KYNU: variants seen among roughly 807,000 people sequenced by gnomAD.
The protein encoded by KYNU is L-kynurenine hydrolase.
In KYNU, 54 loss-of-function variants were observed where a neutral mutation model predicts 59.2. The ratio of observed to expected loss-of-function variants is 0.91; its 90% CI spans 0.73 to 1.14. The LOEUF (loss-of-function observed/expected upper bound fraction) is 1.14, where lower values mean the gene tolerates loss of function less well. Among genes scored for constraint, KYNU ranks in the 50% most tolerant of loss-of-function variants. The pLI, the probability that KYNU is intolerant of heterozygous loss-of-function variation, is 0.00. For missense variants in KYNU, 567 were observed against 554.4 expected (o/e 1.02, Z -0.23); for synonymous variants, 177 against 192.0 (o/e 0.92, Z 0.65).
intron 4 of KYNU, among the ~76,000 whole-genome samples, chr2:142,953,844 A>G (rs1293753738): frequency 2.6e-5 from 4 of 152,214 alleles, no homozygotes; most frequent in Admixed American, 2.6e-4. Flanking sequence ...CTTAAATTAT[A>G]TACTTATTTA....
At chr2:142,928,019 C>T (rs946585875) in intron 4 of KYNU, among the ~76,000 whole-genome samples, 1 of 152,040 alleles carries the variant, frequency 6.6e-6, no homozygotes, top group African/African-American at 2.4e-5. Context: ...AAAACACATA[C>T]ATTGTATTAA....
rs371245928 is a variant in KYNU at position 142,992,656 on chromosome 2, A to G, written c.902+6635A>G. 4.0e-4 allele frequency among the ~76,000 whole-genome samples: 61 copies of G among 151,898 alleles called. No individual in the cohort carries two copies. The East Asian group carries it at 5.4e-3, about 14-fold the overall frequency. Reference sequence around the variant, plus strand: ...CATACACACACACATACATCTTTCTATCTCAGAAACTAAATATGGTAAAAC... The same window carrying G: ...CATACACACACACATACATCTTTCTGTCTCAGAAACTAAATATGGTAAAAC... On this transcript the variant is annotated intron_variant, in intron 10 of 13. Coordinates refer to ENST00000264170, the MANE Select transcript of KYNU (RefSeq NM_003937.3).
At chr2:142,972,805 TATATATATAGAG>T (rs1279073986) in intron 8 of KYNU, among the ~76,000 whole-genome samples, 4 of 138,936 alleles carry the variant, frequency 2.9e-5, no homozygotes, top group African/African-American at 1.1e-4. Flanking sequence ...TATATATATA[TATATATATAGAG>T]AGAGAGAGAG....
In KYNU at chr2:142,933,655, G is replaced by A. The variant is rs140545945; in HGVS notation, c.373+5914G>A. 7.9e-3 allele frequency among the ~76,000 whole-genome samples: 1,203 copies of A among 152,212 alleles called. 22 individuals carry two copies. Among genetic ancestry groups the A allele is most frequent in the African/African-American group, 0.027 (1,138 of 41,504 alleles). ...TTCTTAGAGGAGACCTAATACCCTC[G>A]TTTTGTCAAGAAGTTTAAAAGAGAG... On this transcript the variant is annotated intron_variant, in intron 4 of 13. Coordinates refer to ENST00000264170, the MANE Select transcript of KYNU (RefSeq NM_003937.3).
intron 13 of KYNU, 73 bp downstream of exon 13, chr2:143,040,731 G>A: frequency 1.1e-6 from 1 of 917,398 alleles, no homozygotes; most frequent in South Asian, 1.7e-5. Context: ...GGACTCTTTG[G>A]TTTATTCATT....
intron 2 of KYNU, among the ~76,000 whole-genome samples, chr2:142,890,240 G>A (rs1681670856): frequency 6.6e-6 from 1 of 152,086 alleles, no homozygotes; most frequent in Non-Finnish European, 1.5e-5. Context: ...CATGTGGAAA[G>A]ATATCTTTCT....
At chr2:142,992,309 T>G (rs1461862605) in intron 10 of KYNU, among the ~76,000 whole-genome samples, 2 of 151,826 alleles carry the variant, frequency 1.3e-5, no homozygotes, top group Non-Finnish European at 2.9e-5. Context: ...AAAAATTATC[T>G]TTAAGGTCAT....
chr2:142,936,118 G>C (rs1180066979), intron 4 of KYNU, among the ~76,000 whole-genome samples: 1 of 152,138 alleles, frequency 6.6e-6, no homozygotes, highest in Non-Finnish European at 1.5e-5. Context: ...GTTGGGAGGA[G>C]AAAGGTGATC....
intron 4 of KYNU, among the ~76,000 whole-genome samples, chr2:142,932,200 G>A (rs1342338091): frequency 6.6e-6 from 1 of 152,180 alleles, no homozygotes; most frequent in African/African-American, 2.4e-5. Context: ...AGTTGCAAGA[G>A]AGGTTTGTAA....
intron 4 of KYNU, chr2:142,947,125 C>T (rs1162346509): frequency 6.4e-7 from 1 of 1,551,120 alleles, no homozygotes; most frequent in Admixed American, 2.0e-5. Flanking sequence ...TTACAGACCC[C>T]CAACACAATC....
intron 3 of KYNU, among the ~76,000 whole-genome samples, chr2:142,922,590 T>C (rs997623643): frequency 6.6e-6 from 1 of 152,186 alleles, no homozygotes; most frequent in Admixed American, 6.5e-5. Flanking sequence ...AGATGTCAAA[T>C]CTCTGTCTAT....
At chr2:142,879,963 A>C (rs1056680519) in intron 1 of KYNU, among the ~76,000 whole-genome samples, 1 of 152,216 alleles carries the variant, frequency 6.6e-6, no homozygotes, top group Admixed American at 6.5e-5. Context: ...AGAAAGTCTC[A>C]AATATAAGGC....
rs1469623301 is a variant in KYNU at position 143,044,815 on chromosome 2, T to A, written c.*2643T>A. ...TCTGATGATAGTTTCTTTTGCTGTG[T>A]AGAAGCTCTTTAGTTTAATCAGGTT... On this transcript the variant is annotated 3_prime_UTR_variant, in exon 14 of 14. Coordinates refer to ENST00000264170, the MANE Select transcript of KYNU (RefSeq NM_003937.3). 6.6e-6 allele frequency: 1 copy of A among 152,074 alleles called. No homozygotes were observed. Among genetic ancestry groups the A allele is most frequent in the Admixed American group, 6.6e-5 (1 of 15,250 alleles). The allele number at this position is 152,074 out of a possible 1,614,324, so 9.4% of individuals were successfully genotyped here. A position where few individuals can be genotyped will look rare whatever the true frequency, so the allele number is the denominator to read the frequency against.
chr2:142,951,617 T>G (rs932115568), intron 4 of KYNU, among the ~76,000 whole-genome samples: 5 of 152,234 alleles, frequency 3.3e-5, no homozygotes, highest in African/African-American at 1.2e-4. Context: ...AATTCTTTAG[T>G]GCCTTTAGGT....
At chr2:142,966,538 T>C (rs1010668829) in intron 8 of KYNU, among the ~76,000 whole-genome samples, 1 of 152,202 alleles carries the variant, frequency 6.6e-6, no homozygotes, top group Non-Finnish European at 1.5e-5. Flanking sequence ...CTGGAACTAG[T>C]TATTGTGTGT....
chr2:142,878,817 TA>T (rs1681189897), intron 1 of KYNU, among the ~76,000 whole-genome samples: 1 of 152,312 alleles, frequency 6.6e-6, no homozygotes, highest in Admixed American at 6.5e-5. Flanking sequence ...ATTGATAATT[TA>T]AAAAAATATT....
intron 3 of KYNU, among the ~76,000 whole-genome samples, chr2:142,926,425 T>TA (rs1030695629): frequency 4.8e-4 from 72 of 151,376 alleles, no homozygotes; most frequent in African/African-American, 4.1e-4. Context: ...TTCTCTGTAG[T>TA]AAAAAAAAAT....
At chr2:143,036,003 G>C (rs767637134) in intron 12 of KYNU, among the ~76,000 whole-genome samples, 3 of 151,794 alleles carry the variant, frequency 2.0e-5, no homozygotes, top group Non-Finnish European at 4.4e-5. Flanking sequence ...TGAACTACTG[G>C]CTGCAAGTGG....
At chr2:142,989,543 C>T in intron 10 of KYNU, 1 of 952,466 alleles carries the variant, frequency 1.0e-6, no homozygotes, top group Non-Finnish European at 1.3e-6. Flanking sequence ...AATAACATTT[C>T]TTCTCATGGT....
Sources: gnomAD v4.1 joint callset for allele counts (sites outside exome capture counted in the v4.1 genomes callset) on GRCh38, gnomAD v4.1.1 for gene constraint, MANE v1.5 for transcripts, NCBI Gene and HGNC (gene_info 2026-07-23, HGNC 2026-07-21) for gene names.